PTPRD: variants seen among roughly 807,000 people sequenced by gnomAD.
PTPRD encodes receptor-type tyrosine-protein phosphatase delta.
A neutral mutation model predicts 214.5 loss-of-function variants in PTPRD; 34 were observed. That is an observed-to-expected ratio of 0.16 (90% CI 0.12 to 0.21). The LOEUF is 0.21. PTPRD is among the 10% of genes least tolerant of loss of function. The pLI is 1.00. For missense variants in PTPRD, 2,545 were observed against 2,398.7 expected (o/e 1.06, Z -1.27); for synonymous variants, 1,128 against 845.7 (o/e 1.33, Z -5.79).
At chr9:8,482,006 C>T (rs1299936040) in intron 30 of PTPRD, among the ~76,000 whole-genome samples, 2 of 152,152 alleles carry the variant, frequency 1.3e-5, no homozygotes, top group Admixed American at 6.5e-5. Flanking sequence ...TGGTCTCGAA[C>T]TCCTGACCTT....
intron 23 of PTPRD, among the ~76,000 whole-genome samples, chr9:8,502,258 G>T (rs2097426124): frequency 6.6e-6 from 1 of 152,042 alleles, no homozygotes. Context: ...AGTGGGCAAA[G>T]ATAACACAAG....
rs796435854 is a variant in PTPRD at position 8,833,710 on chromosome 9, A to C, written c.-103-99764T>G. Among the ~76,000 whole-genome samples the C allele has an allele frequency of 4.7e-3, 663 of 142,286 alleles. 4 individuals are homozygous for C. Among genetic ancestry groups the C allele is most frequent in the Admixed American group, 8.2e-3 (117 of 14,232 alleles). The allele number at this position is 142,286 out of a possible 152,430, so 93.3% of individuals were successfully genotyped here. ...CTCCTCTCTCTCTCTCTATATATAT[A>C]TATATACACACACACACACACACAC... On this transcript the variant is annotated intron_variant, in intron 11 of 45. Coordinates refer to ENST00000381196, the MANE Select transcript of PTPRD (RefSeq NM_002839.4).
chr9:8,487,843 T>A (rs527317203), intron 27 of PTPRD, among the ~76,000 whole-genome samples: 1 of 149,886 alleles, frequency 6.7e-6, no homozygotes, highest in Non-Finnish European at 1.5e-5. Context: ...AACAAACAGC[T>A]TGGCAACATA....
At chr9:9,705,412 A>G (rs2097581016) in intron 7 of PTPRD, among the ~76,000 whole-genome samples, 1 of 152,140 alleles carries the variant, frequency 6.6e-6, no homozygotes, top group African/African-American at 2.4e-5. Context: ...CAAAAATTCA[A>G]TTTTCCCTTT....
intron 11 of PTPRD, among the ~76,000 whole-genome samples, chr9:9,000,794 G>A (rs904918909): frequency 7.2e-5 from 11 of 151,906 alleles, no homozygotes; most frequent in African/African-American, 2.7e-4. Flanking sequence ...GTATTATGAA[G>A]AAAGCTTAAC....
At chr9:10,352,232 T>A (rs34748049) in intron 2 of PTPRD, among the ~76,000 whole-genome samples, 6,537 of 152,114 alleles carry the variant, frequency 0.043, 207 homozygotes, top group Non-Finnish European at 0.065. Context: ...ATACATAAAA[T>A]TACTTTATCC....
intron 9 of PTPRD, among the ~76,000 whole-genome samples, chr9:9,364,874 TAGGTAGA>T (rs112369968): frequency 0.044 from 6,619 of 151,410 alleles, 467 homozygotes; most frequent in African/African-American, 0.15. Flanking sequence ...AAAAACAGAT[TAGGTAGA>T]AGGCCCTTTC....
chr9:8,416,159 G>C (rs1180413144), intron 35 of PTPRD, among the ~76,000 whole-genome samples: 2 of 151,920 alleles, frequency 1.3e-5, no homozygotes, highest in Non-Finnish European at 2.9e-5. Context: ...TATAATAGTA[G>C]ATTATATGAA....
At chr9:10,019,528 A>C (rs2096799323) in intron 4 of PTPRD, among the ~76,000 whole-genome samples, 1 of 152,234 alleles carries the variant, frequency 6.6e-6, no homozygotes, top group Non-Finnish European at 1.5e-5. Flanking sequence ...GAACCAAGCC[A>C]AAAGTCCAAC....
In PTPRD at chr9:10,245,482, T is replaced by C. The variant is rs977585487; in HGVS notation, c.-545+95481A>G. ...TATCTGTTCAATTAATACTCACTGATGGCCTACTATGTACAAAATGTGCAA... is the reference window on the plus strand; with the variant it reads ...TATCTGTTCAATTAATACTCACTGACGGCCTACTATGTACAAAATGTGCAA... On this transcript the variant is annotated intron_variant, in intron 3 of 45. Coordinates refer to ENST00000381196, the MANE Select transcript of PTPRD (RefSeq NM_002839.4). 1.6e-4 allele frequency among the ~76,000 whole-genome samples: 24 copies of C among 152,230 alleles called. 1 individual carries two copies. Among genetic ancestry groups the C allele is most frequent in the Non-Finnish European group, 4.4e-5 (3 of 68,028 alleles).
chr9:9,456,173 A>G (rs1256343993), intron 8 of PTPRD, among the ~76,000 whole-genome samples: 6 of 151,928 alleles, frequency 3.9e-5, no homozygotes, highest in African/African-American at 7.2e-5. Flanking sequence ...CAACTGAGGC[A>G]TGTTTAGTCA....
At chr9:9,103,053 T>C (rs923614485) in intron 10 of PTPRD, among the ~76,000 whole-genome samples, 1 of 152,192 alleles carries the variant, frequency 6.6e-6, no homozygotes, top group Non-Finnish European at 1.5e-5. Flanking sequence ...AATCAAACAG[T>C]TTTAAATTAA....
rs553885023 is a variant in PTPRD, at chr9:8,405,556, G to T, written c.4087-896C>A. Among the ~76,000 whole-genome samples, 6 of 152,020 alleles carry T rather than the reference G, an allele frequency of 3.9e-5. No homozygotes were observed. In the South Asian group the frequency reaches 1.0e-3, roughly 26 times the overall value. ...ATTCAGGTTTGATCATAAAACTCTA[G>T]GGGACTTCATTTCCTGAAACGTTAT... On this transcript the variant is annotated intron_variant, in intron 35 of 45. Transcript: ENST00000381196.
At chr9:9,544,477 C>G (rs78238178) in intron 8 of PTPRD, among the ~76,000 whole-genome samples, 5,649 of 151,508 alleles carry the variant, frequency 0.037, 142 homozygotes, top group South Asian at 0.061. Flanking sequence ...ATATTTATTT[C>G]AAAATAATCT....
chr9:8,760,049 G>A (rs913729983), intron 11 of PTPRD, among the ~76,000 whole-genome samples: 2 of 152,154 alleles, frequency 1.3e-5, no homozygotes, highest in African/African-American at 4.8e-5. Context: ...CTTGTAGCTG[G>A]AATCTAAGGT....
chr9:8,463,087 T>A (rs1272716352), intron 32 of PTPRD, among the ~76,000 whole-genome samples: 1 of 151,738 alleles, frequency 6.6e-6, no homozygotes, highest in Non-Finnish European at 1.5e-5. Flanking sequence ...TTAACCTGCA[T>A]CTTTAAAAAA....
intron 10 of PTPRD, among the ~76,000 whole-genome samples, chr9:9,060,393 A>C (rs1221722499): frequency 2.6e-5 from 4 of 152,188 alleles, no homozygotes; most frequent in African/African-American, 9.7e-5. Context: ...TATAGGTAAA[A>C]CAAATTTAGA....
chr9:10,478,995 A>T (rs2099080291), intron 2 of PTPRD, among the ~76,000 whole-genome samples: 1 of 152,106 alleles, frequency 6.6e-6, no homozygotes, highest in African/African-American at 2.4e-5. Context: ...AGTTTTTTAA[A>T]AGCCCTTCAA....
chr9:10,226,670 C>T (rs1008105522), intron 3 of PTPRD, among the ~76,000 whole-genome samples: 3 of 152,008 alleles, frequency 2.0e-5, no homozygotes, highest in African/African-American at 2.4e-5. Flanking sequence ...CCATACTGTT[C>T]ACTTGCCCAT....
Sources: allele counts gnomAD v4.1 joint callset (sites outside exome capture counted in the v4.1 genomes callset), GRCh38; gene constraint gnomAD v4.1.1; transcripts MANE v1.5; gene names NCBI Gene and HGNC (gene_info 2026-07-23, HGNC 2026-07-21).